The following USH2A variants were observed in gnomAD, a reference collection of about 807,000 sequenced individuals.
USH2A encodes the protein Usher syndrome 2A (autosomal recessive, mild).
USH2A carries 443 observed loss-of-function variants against 538.9 expected under a neutral mutation model. The observed-to-expected ratio is 0.82, with a 90% confidence interval of 0.76 to 0.89. The LOEUF (loss-of-function observed/expected upper bound fraction) is 0.89, where lower values mean the gene tolerates loss of function less well. Ranked by LOEUF, USH2A falls within the 40% of genes least tolerant of loss-of-function variation. The pLI, the probability that USH2A is intolerant of heterozygous loss-of-function variation, is 0.00. For synonymous variants in USH2A, 2,413 were observed against 2,273.5 expected, an observed-to-expected ratio of 1.06 and a Z score of -1.75; for missense variants, 6,633 against 6,324.8, an observed-to-expected ratio of 1.05 and a Z score of -1.65.
At chr1:215,730,047 C>T (rs1659946789) in intron 60 of USH2A, among the ~76,000 whole-genome samples, 1 of 152,162 alleles carries the variant, frequency 6.6e-6, no homozygotes. Flanking sequence ...TGTTTAGGCT[C>T]ATCTTTAGAT....
At chr1:216,300,965 G>A (rs560821578) in intron 9 of USH2A, among the ~76,000 whole-genome samples, 19 of 151,766 alleles carry the variant, frequency 1.3e-4, no homozygotes, top group East Asian at 5.8e-4. Context: ...GCCCAGGCTC[G>A]TCTCAAACTC....
Position 215,674,381 on chromosome 1 carries a change from A to G in USH2A, c.13530T>C (p.Thr4510=), listed in dbSNP as rs150654038. 2.5e-6 allele frequency: 4 copies of G among 1,613,992 alleles called. No homozygotes were observed. In the African/African-American group the frequency reaches 4.0e-5, roughly 16 times the overall value. ...AAATACCCCCTTGGCTGTTGCTGGC[A>G]GTTACTGTGTAGCTATACTCCACAC... The part of the protein sequence containing the change: ...TPGVEYSYTV[T]ASNSQGGILS... The change falls in exon 63 of 72, where the codon ACT becomes ACC. Residue 4510 remains threonine (T), a synonymous_variant. Coordinates refer to ENST00000307340, the MANE Select transcript of USH2A (RefSeq NM_206933.4).
chr1:215,897,616 G>C (rs1571792152), intron 40 of USH2A, among the ~76,000 whole-genome samples: 1 of 152,152 alleles, frequency 6.6e-6, no homozygotes, highest in East Asian at 1.9e-4. Context: ...TTGAACCCAG[G>C]AGACAGAGGT....
chr1:216,284,782 C>T (rs2036849588), intron 11 of USH2A, among the ~76,000 whole-genome samples: 1 of 152,176 alleles, frequency 6.6e-6, no homozygotes. Flanking sequence ...TGTTGAATGG[C>T]TTTGACCAAA....
At chr1:216,008,408 T>C (rs1188899370) in intron 32 of USH2A, among the ~76,000 whole-genome samples, 1 of 151,602 alleles carries the variant, frequency 6.6e-6, no homozygotes, top group Non-Finnish European at 1.5e-5. Flanking sequence ...TTCCTTTACC[T>C]ACCCAAATCC....
rs766030449 is a variant in USH2A at position 216,281,865 on chromosome 1, GTTTTTTTTTTTT to G, written c.1971+7403_1971+7414del. Among the ~76,000 whole-genome samples the G allele has an allele frequency of 3.1e-5, 3 of 96,480 alleles. No individual in the cohort carries two copies. In the East Asian group the frequency reaches 1.0e-3, roughly 32 times the overall value. The allele number at this position is 96,480 out of a possible 152,430, so 63.3% of individuals were successfully genotyped here. On this transcript the variant is annotated intron_variant, in intron 11 of 71. Coordinates refer to ENST00000307340, the MANE Select transcript of USH2A (RefSeq NM_206933.4). ...TCCTCACCAAATTTTGTTTTTGTCT[GTTTTTTTTTTTT>G]TTTTTTTTTTGAGTTGCAGTCATCC...
At chr1:216,227,668 G>T (rs1038919023) in intron 14 of USH2A, among the ~76,000 whole-genome samples, 1 of 152,158 alleles carries the variant, frequency 6.6e-6, no homozygotes, top group African/African-American at 2.4e-5. Flanking sequence ...TGACAATGTA[G>T]ACAAGCTGGA....
chr1:216,169,621 A>G (rs1469211998), intron 21 of USH2A, among the ~76,000 whole-genome samples: 1 of 152,128 alleles, frequency 6.6e-6, no homozygotes, highest in Non-Finnish European at 1.5e-5. Flanking sequence ...TTCTAAGAAG[A>G]TATGCATTTT....
intron 58 of USH2A, among the ~76,000 whole-genome samples, chr1:215,752,398 C>T (rs1660648895): frequency 6.6e-6 from 1 of 152,070 alleles, no homozygotes; most frequent in Admixed American, 6.6e-5. Context: ...TGACATTTAT[C>T]AAGAAAGAAT....
At chr1:216,017,356 A>C (rs1238967226) in intron 32 of USH2A, among the ~76,000 whole-genome samples, 8 of 152,198 alleles carry the variant, frequency 5.3e-5, no homozygotes, top group Non-Finnish European at 1.2e-4. Flanking sequence ...ATCTTCATCA[A>C]TGCTTTCGAT....
At chr1:215,813,170 G>A (rs1218533031) in intron 49 of USH2A, among the ~76,000 whole-genome samples, 5 of 152,148 alleles carry the variant, frequency 3.3e-5, no homozygotes, top group African/African-American at 7.2e-5. Context: ...GAAATTTGGA[G>A]CAAAATGGCT....
At chr1:215,817,690 T>A (rs947350924) in intron 47 of USH2A, among the ~76,000 whole-genome samples, 2 of 152,004 alleles carry the variant, frequency 1.3e-5, no homozygotes, top group African/African-American at 4.8e-5. Context: ...CCTTCTCCTT[T>A]TCTCTTTCTT....
intron 44 of USH2A, among the ~76,000 whole-genome samples, chr1:215,865,863 A>T (rs1664455399): frequency 6.6e-6 from 1 of 152,148 alleles, no homozygotes; most frequent in Non-Finnish European, 1.5e-5. Flanking sequence ...TTTAATTCAC[A>T]ATTGATATCC....
chr1:215,944,093 T>G (rs1380780971), intron 37 of USH2A, among the ~76,000 whole-genome samples: 1 of 152,160 alleles, frequency 6.6e-6, no homozygotes, highest in Admixed American at 6.6e-5. Flanking sequence ...GTATGTAAAT[T>G]GCATTTTAAT....
chr1:216,410,985 T>G (rs905044496), intron 3 of USH2A, among the ~76,000 whole-genome samples: 2 of 152,148 alleles, frequency 1.3e-5, no homozygotes, highest in Admixed American at 6.6e-5. Context: ...CAAAGTGATC[T>G]TTAGGAAAAA....
chr1:216,020,883 C>G (rs12049048), intron 32 of USH2A, among the ~76,000 whole-genome samples: 69,430 of 151,882 alleles, frequency 0.46, 16,450 homozygotes, highest in East Asian at 0.7. Flanking sequence ...AGAGCATTTT[C>G]TTGAGTTCTG....
At chr1:216,025,753 C>T (rs1030176371) in intron 32 of USH2A, among the ~76,000 whole-genome samples, 1 of 152,004 alleles carries the variant, frequency 6.6e-6, no homozygotes, top group Non-Finnish European at 1.5e-5. Flanking sequence ...AGCAATGATT[C>T]AGCTGAGGGG....
chr1:215,993,315 G>A (rs1668049777), intron 34 of USH2A, 148 bp from the exon 35 acceptor site: 2 of 1,259,772 alleles, frequency 1.6e-6, no homozygotes, highest in Admixed American at 4.1e-5. Flanking sequence ...TCAGTGTTAA[G>A]ATTTAACATT....
At chr1:216,105,875 CTT>C in intron 21 of USH2A, among the ~76,000 whole-genome samples, 1 of 151,708 alleles carries the variant, frequency 6.6e-6, no homozygotes, top group Admixed American at 6.6e-5. Context: ...TTAAATCCAA[CTT>C]TGTTTAAATT....
Sources: gnomAD v4.1 joint callset for allele counts (sites outside exome capture counted in the v4.1 genomes callset) on GRCh38, gnomAD v4.1.1 for gene constraint, MANE v1.5 for transcripts, NCBI Gene and HGNC (gene_info 2026-07-23, HGNC 2026-07-21) for gene names.